Variants in CADPS2 observed in about 807,000 individuals in gnomAD.
The protein encoded by CADPS2 is calcium-dependent secretion activator 2.
Under a neutral mutation model 172.5 loss-of-function variants are expected in CADPS2, and 93 were observed. The observed-to-expected ratio is 0.54, with a 90% CI of 0.46 to 0.64. CADPS2 has a LOEUF of 0.64. Among genes scored for constraint, CADPS2 ranks in the 30% least tolerant of loss-of-function variants. The probability of loss-of-function intolerance (pLI) is 0.00; values close to 1 mark genes in which losing one functional copy is unlikely to be tolerated. For synonymous variants in CADPS2, 546 were observed against 555.2 expected (o/e 0.98, Z 0.23); for missense variants, 1,420 against 1,565.9 (o/e 0.91, Z 1.57).
rs761182394 is a variant in CADPS2, at chr7:122,457,367, G to T, written c.2187-5892C>A. The stretch of plus-strand genomic sequence containing the variant: ...TCCAGTATAATAAAAAATTTCAGGG[G>T]TTTGTAACACCAATAAAAACTAATT... On this transcript the variant is annotated intron_variant, in intron 14 of 29. Coordinates refer to ENST00000449022, the MANE Select transcript of CADPS2 (RefSeq NM_017954.11). Among the ~76,000 whole-genome samples the T allele has an allele frequency of 2.0e-5, 3 of 152,242 alleles. No individual in the cohort carries two copies. The East Asian group carries it at 5.8e-4, about 29-fold the overall frequency.
chr7:122,782,110 A>C (rs1482821627), intron 1 of CADPS2, among the ~76,000 whole-genome samples: 1 of 152,156 alleles, frequency 6.6e-6, no homozygotes, highest in Non-Finnish European at 1.5e-5. Flanking sequence ...TTCATTTCTA[A>C]ATGCTTAGTG....
chr7:122,390,324 A>T (rs1023656725), intron 22 of CADPS2, among the ~76,000 whole-genome samples: 1 of 152,120 alleles, frequency 6.6e-6, no homozygotes, highest in African/African-American at 2.4e-5. Context: ...TATATCATAC[A>T]ATTAAGAGAA....
Position 122,756,591 on chromosome 7 carries a change from A to T in CADPS2, c.340-19523T>A, listed in dbSNP as rs535097921. Among the ~76,000 whole-genome samples, 107 of 152,336 alleles carry T rather than the reference A, an allele frequency of 7.0e-4. No individual in the cohort carries two copies. In the South Asian group the frequency reaches 0.012, roughly 17 times the overall value. ...CTATGTCATAATCAGCTATTATTTT[A>T]AAAATGGCATAAATTCTTTCCCAAG... is the stretch of plus-strand genomic sequence containing the variant. On this transcript the variant is annotated intron_variant, in intron 1 of 29. Coordinates refer to ENST00000449022, the MANE Select transcript of CADPS2 (RefSeq NM_017954.11).
At chr7:122,874,113 T>C (rs1386203783) in intron 1 of CADPS2, among the ~76,000 whole-genome samples, 1 of 152,214 alleles carries the variant, frequency 6.6e-6, no homozygotes, top group African/African-American at 2.4e-5. Flanking sequence ...GTAGGTTGCC[T>C]GTTCACTCTG....
Position 122,554,697 on chromosome 7 carries a change from G to GAAA in CADPS2, c.1336-11_1336-9dup. ...AGTTGGGTATAATATCACCTGTATGGAAAAAAAAACCCACATTTAAACGCA... is the reference window on the plus strand; with the variant it reads ...AGTTGGGTATAATATCACCTGTATGGAAAAAAAAAAAACCCACATTTAAACGCA... On this transcript the variant is annotated splice_polypyrimidine_tract_variant and intron_variant, in intron 7 of 29. Coordinates refer to ENST00000449022, the MANE Select transcript of CADPS2 (RefSeq NM_017954.11). 1.3e-6 allele frequency: 2 copies of GAAA among 1,546,808 alleles called. No individual in the cohort carries two copies. The highest frequency in any genetic ancestry group is 2.4e-5 in the South Asian group (2 of 83,394).
rs572495018 is a variant in CADPS2, at chr7:122,379,410, G to T, written c.3345C>A (p.Ile1115=). The change falls in exon 25 of 30, where the codon ATC becomes ATA. Residue 1115 remains isoleucine (I), a synonymous_variant. Coordinates refer to ENST00000449022, the MANE Select transcript of CADPS2 (RefSeq NM_017954.11). ...AAATGATTTCTTTTACACTGTTGTC[G>T]ATCAGATCATCTATTTTTGAATGGT... The part of the protein sequence containing the change: ...QQYHSKIDDL[I]DNSVKEIISL... 1.2e-6 allele frequency: 2 copies of T among 1,602,874 alleles called. No homozygotes were observed. The highest frequency in any genetic ancestry group is 2.2e-5 in the South Asian group (2 of 90,262).
intron 1 of CADPS2, among the ~76,000 whole-genome samples, chr7:122,801,582 C>G (rs1351009718): frequency 6.6e-6 from 1 of 151,920 alleles, no homozygotes; most frequent in East Asian, 1.9e-4. Flanking sequence ...AGGAAAAAGA[C>G]AAGGATACCT....
intron 28 of CADPS2, among the ~76,000 whole-genome samples, chr7:122,339,271 C>A (rs1358661883): frequency 6.6e-6 from 1 of 152,132 alleles, no homozygotes; most frequent in Non-Finnish European, 1.5e-5. Context: ...ATTTAATGGT[C>A]ACTTTTATCC....
intron 15 of CADPS2, among the ~76,000 whole-genome samples, chr7:122,445,981 T>A (rs966905650): frequency 2.0e-5 from 3 of 152,186 alleles, no homozygotes; most frequent in Admixed American, 2.0e-4. Context: ...TTTTTCAGAA[T>A]CAATGCACTA....
chr7:122,734,632 G>C (rs915698545), intron 2 of CADPS2, among the ~76,000 whole-genome samples: 3 of 151,738 alleles, frequency 2.0e-5, no homozygotes, highest in East Asian at 3.9e-4. Context: ...ATGATCACAG[G>C]AAAATATGCA....
At chr7:122,692,025 T>C (rs150746419) in intron 2 of CADPS2, among the ~76,000 whole-genome samples, 7 of 152,280 alleles carry the variant, frequency 4.6e-5, no homozygotes, top group Admixed American at 1.3e-4. Flanking sequence ...GGCCTTTGGT[T>C]GTCTGGTGCC....
chr7:122,696,510 GTC>G (rs150052078), intron 2 of CADPS2, among the ~76,000 whole-genome samples: 151,114 of 152,176 alleles, frequency 0.99, 75,035 homozygotes, highest in Middle Eastern at 1. Flanking sequence ...TGACCCCATG[GTC>G]ATGGAAGCAG....
chr7:122,810,615 T>A (rs1799816274), intron 1 of CADPS2, among the ~76,000 whole-genome samples: 1 of 152,120 alleles, frequency 6.6e-6, no homozygotes, highest in Non-Finnish European at 1.5e-5. Context: ...AAGAAAGCAA[T>A]ATAACCATTT....
intron 3 of CADPS2, among the ~76,000 whole-genome samples, chr7:122,656,087 G>A (rs991990110): frequency 6.6e-6 from 1 of 152,178 alleles, no homozygotes; most frequent in African/African-American, 2.4e-5. Context: ...TATGCCATGA[G>A]TGGTAGGAAT....
intron 1 of CADPS2, among the ~76,000 whole-genome samples, chr7:122,833,098 T>C (rs776775148): frequency 6.6e-5 from 10 of 152,186 alleles, no homozygotes; most frequent in Non-Finnish European, 1.0e-4. Context: ...CATCTTCATA[T>C]TTCCTTCCAG....
At chr7:122,884,045 T>C (rs531966203) in intron 1 of CADPS2, among the ~76,000 whole-genome samples, 1 of 152,238 alleles carries the variant, frequency 6.6e-6, no homozygotes, top group African/African-American at 2.4e-5. Flanking sequence ...TCCACTTCAT[T>C]AACAAAATGC....
intron 1 of CADPS2, among the ~76,000 whole-genome samples, chr7:122,857,673 C>T (rs765386416): frequency 2.0e-5 from 3 of 152,116 alleles, no homozygotes; most frequent in South Asian, 2.1e-4. Context: ...TTTATAAAGC[C>T]GCTGTGGAAG....
At position 122,843,382 on chromosome 7, in the gene CADPS2, A is replaced by G. The variant is rs562429380; in HGVS notation, c.339+42617T>C. Among the ~76,000 whole-genome samples the G allele has an allele frequency of 8.5e-5, 13 of 152,342 alleles. No individual in the cohort carries two copies. In the South Asian group the frequency reaches 2.1e-3, roughly 24 times the overall value. On this transcript the variant is annotated intron_variant, in intron 1 of 29. Coordinates refer to ENST00000449022, the MANE Select transcript of CADPS2 (RefSeq NM_017954.11). ...AAGGTATCAAAACAGCATCAAAATG[A>G]TAAGTTTAGGACGACTGACTGACCA...
chr7:122,536,308 T>C (rs2062265752), intron 8 of CADPS2, among the ~76,000 whole-genome samples: 1 of 152,026 alleles, frequency 6.6e-6, no homozygotes, highest in South Asian at 2.1e-4. Flanking sequence ...GAATTAAAGA[T>C]GAAAATGACA....
Sources: allele counts gnomAD v4.1 joint callset (sites outside exome capture counted in the v4.1 genomes callset), GRCh38; gene constraint gnomAD v4.1.1; transcripts MANE v1.5; gene names NCBI Gene and HGNC (gene_info 2026-07-23, HGNC 2026-07-21).